Variants in PRELID2 observed in about 807,000 individuals in gnomAD.
The protein encoded by PRELID2 is PRELI domain containing 2.
A neutral mutation model predicts 28.4 loss-of-function variants in PRELID2; 25 were observed. The observed-to-expected ratio is 0.88, with a 90% CI of 0.64 to 1.23. The LOEUF (loss-of-function observed/expected upper bound fraction) is 1.23. Ranked by LOEUF, PRELID2 falls within the 50% of genes most tolerant of loss-of-function variation. The pLI, the probability that PRELID2 is intolerant of heterozygous loss-of-function variation, is 0.00. For missense variants in PRELID2, 201 were observed against 214.4 expected (o/e 0.94, Z 0.39); for synonymous variants, 76 against 71.6 (o/e 1.06, Z -0.31).
the PRELID2 span, among the ~76,000 whole-genome samples, chr5:145,384,608 C>T: frequency 1.3e-5 from 2 of 152,172 alleles, no homozygotes; most frequent in South Asian, 2.1e-4. Flanking sequence ...TAATGAAATA[C>T]GTGAGACTGG....
chr5:145,668,489 G>A (rs373152780), intron 1 of PRELID2, among the ~76,000 whole-genome samples: 8 of 151,692 alleles, frequency 5.3e-5, no homozygotes, highest in Admixed American at 1.3e-4. Flanking sequence ...CCAAACAGTC[G>A]GCTAGTATAT....
At chr5:145,402,732 T>C in the PRELID2 span, among the ~76,000 whole-genome samples, 1 of 152,208 alleles carries the variant, frequency 6.6e-6, no homozygotes, top group Non-Finnish European at 1.5e-5. Context: ...TAGCATAGTG[T>C]CTGCCATATG....
At chr5:145,500,288 A>T (rs1752348383) in intron 1 of PRELID2, among the ~76,000 whole-genome samples, 1 of 151,162 alleles carries the variant, frequency 6.6e-6, no homozygotes, top group Non-Finnish European at 1.5e-5. Context: ...AGTGTGTAGC[A>T]CCTCCCCCTT....
intron 1 of PRELID2, among the ~76,000 whole-genome samples, chr5:145,599,603 T>C (rs896689770): frequency 6.6e-5 from 10 of 152,160 alleles, no homozygotes; most frequent in African/African-American, 1.9e-4. Context: ...AAACTTACCA[T>C]ATAGATGATA....
At chr5:145,561,292 A>G (rs991572056) in intron 1 of PRELID2, among the ~76,000 whole-genome samples, 35 of 152,216 alleles carry the variant, frequency 2.3e-4, no homozygotes, top group African/African-American at 8.2e-4. Flanking sequence ...CCCTTGACCA[A>G]GAGCAGCACT....
At chr5:145,286,598 CTTTT>C in the PRELID2 span, among the ~76,000 whole-genome samples, 1 of 152,008 alleles carries the variant, frequency 6.6e-6, no homozygotes, top group African/African-American at 2.4e-5. Context: ...AAGAAGCACT[CTTTT>C]TCATCAGTAA....
At chr5:145,287,728 T>C in the PRELID2 span, among the ~76,000 whole-genome samples, 113 of 152,322 alleles carry the variant, frequency 7.4e-4, 1 homozygote, top group African/African-American at 2.6e-3. Flanking sequence ...ATTTAATGAA[T>C]CAATACTGAT....
At chr5:145,309,057 C>T in the PRELID2 span, among the ~76,000 whole-genome samples, 1 of 151,168 alleles carries the variant, frequency 6.6e-6, no homozygotes, top group African/African-American at 2.5e-5. Flanking sequence ...ATTATTCTTA[C>T]ATTTTGACAC....
At chr5:145,665,046 A>C (rs1473091747) in intron 1 of PRELID2, among the ~76,000 whole-genome samples, 1 of 152,076 alleles carries the variant, frequency 6.6e-6, no homozygotes, top group Non-Finnish European at 1.5e-5. Context: ...TCTTGCTTGC[A>C]TTGAGAGAAG....
the PRELID2 span, among the ~76,000 whole-genome samples, chr5:145,281,235 G>A: frequency 6.6e-6 from 1 of 152,090 alleles, no homozygotes; most frequent in African/African-American, 2.4e-5. Flanking sequence ...CACTAGGCAT[G>A]GAAAGGTGGT....
At chr5:145,599,973 A>G (rs1484912922) in intron 1 of PRELID2, among the ~76,000 whole-genome samples, 12 of 152,176 alleles carry the variant, frequency 7.9e-5, no homozygotes, top group Non-Finnish European at 2.9e-5. Context: ...AATTTCAATA[A>G]CAAAAACCAA....
chr5:145,447,695 C>T, the PRELID2 span, among the ~76,000 whole-genome samples: 1 of 116,828 alleles, frequency 8.6e-6, no homozygotes, highest in African/African-American at 3.3e-5. Context: ...TTGTTCAATT[C>T]CCACCTATGA....
At position 145,756,492 on chromosome 5, in the gene PRELID2, C is replaced by T. The variant is rs115836181; in HGVS notation, c.*4044G>A. On this transcript the variant is annotated 3_prime_UTR_variant, in exon 7 of 7. Transcript: ENST00000683046. The stretch of plus-strand genomic sequence containing the variant: ...GCCTGATCATTTTTTGAGTTTTAAT[C>T]CTCTTAAGTTTCACATTATAGAACT... Among the ~76,000 whole-genome samples, 14 of 152,292 alleles carry T rather than the reference C, an allele frequency of 9.2e-5. No individual in the cohort carries two copies. The highest frequency in any genetic ancestry group is 1.8e-4 in the Non-Finnish European group (12 of 68,022).
chr5:145,542,382 T>C (rs1752750884), intron 1 of PRELID2, among the ~76,000 whole-genome samples: 1 of 152,062 alleles, frequency 6.6e-6, no homozygotes, highest in South Asian at 2.1e-4. Flanking sequence ...AAAGATGGAG[T>C]TTATGTTTTT....
At chr5:145,317,068 G>C in the PRELID2 span, among the ~76,000 whole-genome samples, 1 of 152,194 alleles carries the variant, frequency 6.6e-6, no homozygotes, top group Non-Finnish European at 1.5e-5. Context: ...TGGAAGACAA[G>C]TGCTTTAATT....
At chr5:145,562,574 T>A (rs1752933145) in intron 1 of PRELID2, among the ~76,000 whole-genome samples, 1 of 152,170 alleles carries the variant, frequency 6.6e-6, no homozygotes. Flanking sequence ...GGCAATAACA[T>A]GAATAAGGGC....
At chr5:145,291,121 C>T in the PRELID2 span, among the ~76,000 whole-genome samples, 5 of 151,558 alleles carry the variant, frequency 3.3e-5, no homozygotes, top group East Asian at 3.9e-4. Context: ...GGGTGGATCA[C>T]GAGGTCAAGA....
chr5:145,807,710 C>A (rs949945759), intron 4 of PRELID2, among the ~76,000 whole-genome samples: 2 of 152,110 alleles, frequency 1.3e-5, no homozygotes, highest in African/African-American at 4.8e-5. Context: ...CTACCCACAA[C>A]CCCCCGACCC....
At chr5:145,649,054 C>A (rs1160754429) in intron 1 of PRELID2, among the ~76,000 whole-genome samples, 4 of 151,778 alleles carry the variant, frequency 2.6e-5, no homozygotes, top group Non-Finnish European at 5.9e-5. Flanking sequence ...CATATTTTTG[C>A]ATTCAATCAA....
Sources: gnomAD v4.1 joint callset for allele counts (sites outside exome capture counted in the v4.1 genomes callset) on GRCh38, gnomAD v4.1.1 for gene constraint, MANE v1.5 for transcripts, NCBI Gene and HGNC (gene_info 2026-07-23, HGNC 2026-07-21) for gene names.